The following FRRS1 variants were observed in gnomAD, a reference collection of about 807,000 sequenced individuals.
FRRS1 encodes ferric chelate reductase 1.
FRRS1 carries 51 observed loss-of-function variants against 70.7 expected under a neutral mutation model. The observed-to-expected ratio is 0.72, with a 90% CI of 0.58 to 0.91. FRRS1 has a LOEUF of 0.91. FRRS1 is among the 40% of genes least tolerant of loss of function. The probability of loss-of-function intolerance (pLI) is 0.00; values close to 1 mark genes in which losing one functional copy is unlikely to be tolerated. For synonymous variants in FRRS1, 225 were observed against 238.7 expected, an observed-to-expected ratio of 0.94 and a Z score of 0.53; for missense variants, 672 against 726.0, an observed-to-expected ratio of 0.93 and a Z score of 0.86.
chr1:99,765,218 G>A (rs989815052), intron 1 of FRRS1: 1 of 152,170 alleles, frequency 6.6e-6, no homozygotes, highest in Non-Finnish European at 1.5e-5. Flanking sequence ...CTCTTAAAAG[G>A]TCTTTGTTTT....
At chr1:99,728,409 A>T in intron 9 of FRRS1, 84 bp downstream of exon 9, 3 of 1,138,834 alleles carry the variant, frequency 2.6e-6, no homozygotes, top group Non-Finnish European at 3.7e-6. Context: ...ACGGGCAATT[A>T]CAGTAGTTTT....
intron 4 of FRRS1, among the ~76,000 whole-genome samples, chr1:99,746,745 C>T (rs1220118575): frequency 6.6e-6 from 1 of 152,208 alleles, no homozygotes; most frequent in Non-Finnish European, 1.5e-5. Flanking sequence ...CGACATGGAC[C>T]CTCCTATGAT....
At chr1:99,762,359 C>T (rs889693759) in intron 1 of FRRS1, among the ~76,000 whole-genome samples, 5 of 152,090 alleles carry the variant, frequency 3.3e-5, no homozygotes, top group African/African-American at 1.2e-4. Context: ...AATCAAATGT[C>T]AGAAATAGTC....
At chr1:99,737,968 C>T (rs1032381941) in intron 7 of FRRS1, 118 bp downstream of exon 7, 17 of 776,368 alleles carry the variant, frequency 2.2e-5, no homozygotes, top group Admixed American at 1.0e-4. Context: ...GTCTTGAACT[C>T]CCGACCTCGT....
intron 11 of FRRS1, among the ~76,000 whole-genome samples, chr1:99,716,112 A>T (rs987269982): frequency 1.3e-5 from 2 of 152,262 alleles, no homozygotes; most frequent in African/African-American, 2.4e-5. Context: ...AGTCAATACA[A>T]GAAAAATATG....
chr1:99,754,535 G>T (rs1163219634), intron 1 of FRRS1, among the ~76,000 whole-genome samples: 1 of 151,882 alleles, frequency 6.6e-6, no homozygotes, highest in Non-Finnish European at 1.5e-5. Context: ...GAAATGCACA[G>T]ATCCAGAAGG....
intron 7 of FRRS1, 76 bp from the exon 8 acceptor site, chr1:99,729,824 A>G: frequency 1.1e-6 from 1 of 888,366 alleles, no homozygotes; most frequent in Admixed American, 2.1e-5. Flanking sequence ...AAAAAAGTAC[A>G]TCAGGAAACC....
At chr1:99,726,859 A>T (rs964342479) in intron 9 of FRRS1, among the ~76,000 whole-genome samples, 2 of 152,120 alleles carry the variant, frequency 1.3e-5, no homozygotes, top group African/African-American at 4.8e-5. Context: ...GGTGCACACT[A>T]CCACACCCAG....
At chr1:99,763,950 T>C (rs1205244045) in intron 1 of FRRS1, among the ~76,000 whole-genome samples, 1 of 151,948 alleles carries the variant, frequency 6.6e-6, no homozygotes, top group Non-Finnish European at 1.5e-5. Flanking sequence ...TTATTTCCAG[T>C]AGCAAAAATG....
chr1:99,710,215 A>G (rs1194081867), intron 15 of FRRS1, among the ~76,000 whole-genome samples: 2 of 152,316 alleles, frequency 1.3e-5, no homozygotes, highest in Admixed American at 6.5e-5. Flanking sequence ...AAGGACATTT[A>G]GCCTAGAATC....
chr1:99,713,440 A>G (rs1162591894), intron 12 of FRRS1, among the ~76,000 whole-genome samples: 1 of 152,256 alleles, frequency 6.6e-6, no homozygotes, highest in Admixed American at 6.5e-5. Flanking sequence ...ATATCACAAA[A>G]TCTTCATAAC....
intron 4 of FRRS1, among the ~76,000 whole-genome samples, chr1:99,747,041 T>C (rs1396090029): frequency 1.3e-5 from 2 of 152,214 alleles, no homozygotes; most frequent in African/African-American, 4.8e-5. Flanking sequence ...AAATATATTT[T>C]CTCTTATTTT....
rs1557699052 is a variant in FRRS1 at position 99,740,784 on chromosome 1, GTTAC to G, written c.576+5_576+8del. On this transcript the variant is annotated splice_donor_5th_base_variant and intron_variant, in intron 6 of 16. Transcript: ENST00000646001. ...CCATCTCTACAGAGAAAATAAAATTGTTACTTACTGGTTTGGTTAAGTGGGAAAC... is the reference window on the plus strand; with the variant it reads ...CCATCTCTACAGAGAAAATAAAATTGTTACTGGTTTGGTTAAGTGGGAAAC... 1.9e-6 allele frequency: 3 copies of G among 1,591,338 alleles called. No individual in the cohort carries two copies. Among genetic ancestry groups the G allele is most frequent in the East Asian group, 4.5e-5 (2 of 44,744 alleles).
intron 14 of FRRS1, 24 bp from the exon 15 acceptor site, chr1:99,710,973 C>A: frequency 6.2e-7 from 1 of 1,602,666 alleles, no homozygotes; most frequent in Non-Finnish European, 8.5e-7. Flanking sequence ...AAAAAAGTTA[C>A]ATTCAAATGT....
At chr1:99,738,820 T>C (rs560575901) in intron 6 of FRRS1, among the ~76,000 whole-genome samples, 3 of 152,244 alleles carry the variant, frequency 2.0e-5, no homozygotes, top group African/African-American at 7.2e-5. Flanking sequence ...GTCGCCCCAA[T>C]TTACCAGCAT....
In FRRS1 at chr1:99,738,119, A is replaced by G; in HGVS notation, c.726T>C (p.Tyr242=). The G allele has an allele frequency of 3.1e-6, 5 of 1,613,580 alleles. No homozygotes were observed. Among genetic ancestry groups the G allele is most frequent in the Non-Finnish European group, 4.2e-6 (5 of 1,179,578 alleles). ...GATCATGAGACAATGCAAAGGATAA[A>G]TAGCCTTTACTGGGGCCGCTCATTT... ...MVEMSGPSKG[Y]LSFALSHDQW... The change falls in exon 7 of 17, where the codon TAT becomes TAC. Residue 242 remains tyrosine (Y), a synonymous_variant. Coordinates refer to ENST00000646001, the MANE Select transcript of FRRS1 (RefSeq NM_001361041.2).
At chr1:99,713,616 G>A (rs937483818) in intron 12 of FRRS1, among the ~76,000 whole-genome samples, 1 of 152,080 alleles carries the variant, frequency 6.6e-6, no homozygotes, top group East Asian at 1.9e-4. Context: ...CTATAAAACT[G>A]GAAAAGCATA....
At chr1:99,759,162 C>T (rs1485599655) in intron 1 of FRRS1, among the ~76,000 whole-genome samples, 1 of 152,106 alleles carries the variant, frequency 6.6e-6, no homozygotes, top group African/African-American at 2.4e-5. Flanking sequence ...GCTTTTTGCC[C>T]TTTGAAGCGT....
At chr1:99,751,669 G>A (rs949825425) in intron 1 of FRRS1, among the ~76,000 whole-genome samples, 1 of 152,056 alleles carries the variant, frequency 6.6e-6, no homozygotes, top group African/African-American at 2.4e-5. Context: ...TCTCAAAAGT[G>A]AAGAAGAAAT....
Sources: allele counts gnomAD v4.1 joint callset (sites outside exome capture counted in the v4.1 genomes callset), GRCh38; gene constraint gnomAD v4.1.1; transcripts MANE v1.5; gene names NCBI Gene and HGNC (gene_info 2026-07-23, HGNC 2026-07-21).